NLGN1: variants seen among roughly 807,000 people sequenced by gnomAD.
The protein encoded by NLGN1 is neuroligin-1.
A neutral mutation model predicts 65.5 loss-of-function variants in NLGN1; 12 were observed. The ratio of observed to expected loss-of-function variants is 0.18; its 90% CI spans 0.12 to 0.30. The LOEUF (loss-of-function observed/expected upper bound fraction) is 0.30, where lower values mean the gene tolerates loss of function less well. Among genes scored for constraint, NLGN1 ranks in the 10% least tolerant of loss-of-function variants. The probability of loss-of-function intolerance (pLI) is 1.00; values close to 1 mark genes in which losing one functional copy is unlikely to be tolerated. For missense variants in NLGN1, 750 were observed against 1,007.1 expected, an observed-to-expected ratio of 0.74 and a Z score of 3.46; for synonymous variants, 350 against 359.5, an observed-to-expected ratio of 0.97 and a Z score of 0.30.
intron 4 of NLGN1, among the ~76,000 whole-genome samples, chr3:174,223,363 G>A (rs1251352108): frequency 2.0e-5 from 3 of 152,136 alleles, no homozygotes; most frequent in Non-Finnish European, 4.4e-5. Context: ...TTCTTGGCAT[G>A]AAAGCAAGCA....
At chr3:173,941,511 G>A (rs1346926509) in intron 4 of NLGN1, among the ~76,000 whole-genome samples, 2 of 151,900 alleles carry the variant, frequency 1.3e-5, no homozygotes, top group African/African-American at 4.8e-5. Context: ...CAAGGCAATT[G>A]ACTCAAAAGG....
At chr3:173,723,628 C>T (rs536089807) in intron 3 of NLGN1, among the ~76,000 whole-genome samples, 10 of 152,024 alleles carry the variant, frequency 6.6e-5, no homozygotes, top group Admixed American at 1.3e-4. Context: ...ACCTGGTTCA[C>T]GGTGAATATA....
intron 3 of NLGN1, among the ~76,000 whole-genome samples, chr3:173,659,282 A>G (rs1232343283): frequency 6.6e-6 from 1 of 152,036 alleles, no homozygotes; most frequent in Non-Finnish European, 1.5e-5. Flanking sequence ...ATGGTGATGT[A>G]TAAGCTATTA....
intron 4 of NLGN1, among the ~76,000 whole-genome samples, chr3:173,942,177 G>GTATA (rs147642766): frequency 1.3e-5 from 2 of 150,412 alleles, no homozygotes; most frequent in African/African-American, 2.5e-5. Context: ...TATAATATGT[G>GTATA]TATATATATA....
chr3:173,565,586 C>A (rs1276701073), intron 2 of NLGN1, among the ~76,000 whole-genome samples: 1 of 151,830 alleles, frequency 6.6e-6, no homozygotes, highest in Non-Finnish European at 1.5e-5. Context: ...TGGCACTTCC[C>A]CAGAGATGTA....
intron 2 of NLGN1, among the ~76,000 whole-genome samples, chr3:173,599,395 A>G (rs899109232): frequency 6.6e-6 from 1 of 152,110 alleles, no homozygotes; most frequent in African/African-American, 2.4e-5. Flanking sequence ...CTGGGTCATG[A>G]AGAATATCCT....
At chr3:173,802,871 C>A (rs973821977) in intron 3 of NLGN1, among the ~76,000 whole-genome samples, 6 of 150,206 alleles carry the variant, frequency 4.0e-5, no homozygotes, top group Admixed American at 6.6e-5. Context: ...ACAGAATTTC[C>A]TTTTGTCATG....
chr3:174,218,568 G>C (rs951762064), intron 4 of NLGN1, among the ~76,000 whole-genome samples: 1 of 151,918 alleles, frequency 6.6e-6, no homozygotes, highest in Non-Finnish European at 1.5e-5. Context: ...TTATAGTTAA[G>C]GTCCGTGCAG....
intron 2 of NLGN1, among the ~76,000 whole-genome samples, chr3:173,509,353 T>A (rs187367140): frequency 2.0e-5 from 3 of 152,318 alleles, no homozygotes; most frequent in Admixed American, 2.0e-4. Context: ...TTCCCATTAC[T>A]CTTTCTAGAT....
chr3:173,748,544 G>A (rs1464154302), intron 3 of NLGN1, among the ~76,000 whole-genome samples: 1 of 152,064 alleles, frequency 6.6e-6, no homozygotes, highest in East Asian at 1.9e-4. Context: ...CTAAATAAGG[G>A]AGGATGAAAA....
At chr3:173,581,027 T>G (rs1188913875) in intron 2 of NLGN1, among the ~76,000 whole-genome samples, 1 of 151,974 alleles carries the variant, frequency 6.6e-6, no homozygotes, top group Non-Finnish European at 1.5e-5. Context: ...GTACATCTGC[T>G]TCTTCTCCCT....
intron 2 of NLGN1, among the ~76,000 whole-genome samples, chr3:173,598,666 C>T (rs1407289019): frequency 6.6e-6 from 1 of 152,168 alleles, no homozygotes; most frequent in Non-Finnish European, 1.5e-5. Context: ...CTCATTTACT[C>T]TGTCTTCTGG....
intron 4 of NLGN1, among the ~76,000 whole-genome samples, chr3:174,253,638 A>T (rs1451828593): frequency 6.6e-6 from 1 of 152,168 alleles, no homozygotes; most frequent in Non-Finnish European, 1.5e-5. Flanking sequence ...AGGACCTCAG[A>T]CTTGTCACCC....
intron 4 of NLGN1, among the ~76,000 whole-genome samples, chr3:173,815,362 C>T (rs1244034558): frequency 1.3e-5 from 2 of 152,156 alleles, no homozygotes; most frequent in East Asian, 1.9e-4. Flanking sequence ...AGGCCTCAGC[C>T]TCCCAAAGTG....
intron 4 of NLGN1, among the ~76,000 whole-genome samples, chr3:174,093,365 T>C (rs1367481432): frequency 6.6e-6 from 1 of 152,224 alleles, no homozygotes; most frequent in Non-Finnish European, 1.5e-5. Context: ...CTACATTGCC[T>C]GTTAGAAGAT....
intron 4 of NLGN1, among the ~76,000 whole-genome samples, chr3:173,947,602 A>G (rs1747438647): frequency 6.6e-6 from 1 of 152,220 alleles, no homozygotes; most frequent in Non-Finnish European, 1.5e-5. Flanking sequence ...TGGATGAAAA[A>G]TAATTTTATC....
chr3:173,444,378 A>T (rs183015954), intron 2 of NLGN1, among the ~76,000 whole-genome samples: 3 of 152,266 alleles, frequency 2.0e-5, no homozygotes, highest in East Asian at 3.9e-4. Context: ...TAAAAGTTAG[A>T]CTTCTGCTTG....
At chr3:173,980,505 C>A (rs955467978) in intron 4 of NLGN1, among the ~76,000 whole-genome samples, 4 of 151,798 alleles carry the variant, frequency 2.6e-5, no homozygotes, top group African/African-American at 4.8e-5. Context: ...TAGTTTATTT[C>A]TATTTTTTCC....
intron 3 of NLGN1, among the ~76,000 whole-genome samples, chr3:173,769,595 TG>T (rs1232370976): frequency 6.6e-5 from 10 of 152,190 alleles, no homozygotes; most frequent in Admixed American, 2.0e-4. Flanking sequence ...CTTTGAAAGG[TG>T]TGTCTATGTC....
Sources: gnomAD v4.1 joint callset for allele counts (sites outside exome capture counted in the v4.1 genomes callset) on GRCh38, gnomAD v4.1.1 for gene constraint, MANE v1.5 for transcripts, NCBI Gene and HGNC (gene_info 2026-07-23, HGNC 2026-07-21) for gene names.